SPTBN2: variants seen among roughly 807,000 people sequenced by gnomAD.
SPTBN2 encodes the protein spectrin beta, non-erythrocytic 2, also known as spectrin beta chain, non-erythrocytic 2.
Under a neutral mutation model 284.2 loss-of-function variants are expected in SPTBN2, and 107 were observed. The observed-to-expected ratio is 0.38, with a 90% CI of 0.32 to 0.44. SPTBN2 has a LOEUF of 0.44. Ranked by LOEUF, SPTBN2 falls within the 20% of genes least tolerant of loss-of-function variation. SPTBN2 has a pLI of 1.00. For synonymous variants in SPTBN2, 1,289 were observed against 1,354.8 expected (o/e 0.95, Z 1.07); for missense variants, 2,569 against 3,287.1 (o/e 0.78, Z 5.34).
chr11:66,743,739 C>A (rs1316730983), intron 1 of SPTBN2, among the ~76,000 whole-genome samples: 1 of 152,162 alleles, frequency 6.6e-6, no homozygotes, highest in African/African-American at 2.4e-5. Context: ...TGCAGTCAAA[C>A]GTGGAAAGGG....
chr11:66,714,751 G>A (rs180702034), intron 5 of SPTBN2, among the ~76,000 whole-genome samples: 3 of 152,276 alleles, frequency 2.0e-5, no homozygotes, highest in Admixed American at 1.3e-4. Context: ...CAGAACCCGG[G>A]AAGGAAGGGG....
chr11:66,699,176 A>G, intron 18 of SPTBN2, 94 bp from the exon 19 acceptor site: 3 of 1,484,306 alleles, frequency 2.0e-6, no homozygotes, highest in Non-Finnish European at 1.9e-6. Context: ...TTCTAGGGGA[A>G]TAACGCCTTC....
rs189639696 is a variant in SPTBN2, at chr11:66,687,369, A to C, written c.6722+58T>G. ...TACTCTAAAGGGCATCCCTCCCTCT[A>C]TCTGGGCAGAGGCTCTGGGGAAGTG... On this transcript the variant is annotated intron_variant, in intron 35 of 37. Transcript: ENST00000533211. This position sits in a 1 kb window ranked among gnomAD's most constrained non-coding sequence, Gnocchi z 5.2. 1.2e-4 allele frequency: 190 copies of C among 1,584,104 alleles called. 1 individual carries two copies. The highest frequency in any genetic ancestry group is 8.4e-4 in the Middle Eastern group (5 of 5,962).
chr11:66,744,626 G>C (rs1942943311), exon 1 of SPTBN2: 1 of 282,318 alleles, frequency 3.5e-6, no homozygotes, highest in Non-Finnish European at 5.8e-6. Context: ...GCGCTCAGAG[G>C]CTCTAGGTGG....
chr11:66,738,952 T>C (rs1242626629), intron 1 of SPTBN2, among the ~76,000 whole-genome samples: 3 of 151,970 alleles, frequency 2.0e-5, no homozygotes, highest in Non-Finnish European at 2.9e-5. Flanking sequence ...GCTGGGACTA[T>C]AGGTGCTCAC....
Position 66,689,923 on chromosome 11 carries a change from A to G in SPTBN2, c.5831T>C (p.Leu1944Pro). ...GATGCCTTGCTGGTTCTTGATGACT[A>G]GATCCGCGGAGGACACATCCCTGGG... is the stretch of plus-strand genomic sequence containing the variant. ...ERPRDVSSAD[L>P]VIKNQQGIKA... Residue 1944 changes from leucine (L) to proline (P), a missense_variant, in exon 29 of 38, where the codon CTA becomes CCA. This residue lies in a region of SPTBN2 where 1,130 missense variants were observed against 1,317.3 expected (regional missense o/e 0.86). Transcript: ENST00000533211. 1 of 1,613,982 alleles carries G rather than the reference A, an allele frequency of 6.2e-7. No individual in the cohort carries two copies. Among genetic ancestry groups the G allele is most frequent in the South Asian group, 1.1e-5 (1 of 91,072 alleles).
intron 19 of SPTBN2, 61 bp from the exon 20 acceptor site, chr11:66,698,846 G>C (rs1218768364): frequency 8.7e-6 from 14 of 1,608,936 alleles, no homozygotes; most frequent in Non-Finnish European, 1.2e-5. Flanking sequence ...ATAAAAGCAG[G>C]GCCACAGTGA....
rs374206914 is a variant in SPTBN2, at chr11:66,707,602, G to A, written c.1567C>T (p.Arg523Trp). 20 of 1,611,466 alleles carry A rather than the reference G, an allele frequency of 1.2e-5. No homozygotes were observed. Among genetic ancestry groups the A allele is most frequent in the Middle Eastern group, 1.6e-4 (1 of 6,074 alleles). Reference protein sequence around the residue: ...WDFLRQMVAARRERLLLNLEL... With the variant: ...WDFLRQMVAAWRERLLLNLEL... ...AGGTTGAGGAGGAGCCGCTCCCGCCGGGCGGCCACCATCTGCCGCAAGAAG... is the reference window on the plus strand; with the variant it reads ...AGGTTGAGGAGGAGCCGCTCCCGCCAGGCGGCCACCATCTGCCGCAAGAAG... Residue 523 changes from arginine to tryptophan, a missense_variant, in exon 13 of 38, where the codon CGG becomes TGG. Arg to Trp is a moderately radical substitution (Grantham distance 101). Coordinates refer to ENST00000533211, the MANE Select transcript of SPTBN2 (RefSeq NM_006946.4). This position sits in a 1 kb window ranked among gnomAD's most constrained non-coding sequence, Gnocchi z 4.9.
chr11:66,686,311 A>G (rs1334958419), intron 37 of SPTBN2, 87 bp downstream of exon 37: 2 of 1,566,366 alleles, frequency 1.3e-6, no homozygotes. Flanking sequence ...GACCAGGAAA[A>G]AGAGGGAGGA....
Position 66,726,348 on chromosome 11 carries a change from C to A in SPTBN2, c.-114+2393G>T, listed in dbSNP as rs185711236. ...TGGAGGACTGTTAAATCACAGGTCACCCCCCCATCCCCCAGTTTACGATTC... is the reference window on the plus strand; with the variant it reads ...TGGAGGACTGTTAAATCACAGGTCAACCCCCCATCCCCCAGTTTACGATTC... On this transcript the variant is annotated intron_variant, in intron 1 of 37. Coordinates refer to ENST00000533211, the MANE Select transcript of SPTBN2 (RefSeq NM_006946.4). Among the ~76,000 whole-genome samples the A allele has an allele frequency of 6.6e-5, 10 of 152,242 alleles. No homozygotes were observed. In the East Asian group the frequency reaches 1.9e-3, roughly 29 times the overall value.
rs1055664888 is a variant in SPTBN2, at chr11:66,710,326, C to T, written c.1073+256G>A. ...GTTGGCCAGACTGGTCTCGGTGATG[C>T]GCCCGCCTTGGCCTCCCAAAGTGCT... On this transcript the variant is annotated intron_variant, in intron 10 of 37. Transcript: ENST00000533211. The surrounding 1 kb of genome is among the most constrained non-coding windows in gnomAD (Gnocchi z 4.9). Among the ~76,000 whole-genome samples the T allele has an allele frequency of 2.6e-5, 4 of 151,776 alleles. No individual in the cohort carries two copies. Among genetic ancestry groups the T allele is most frequent in the Admixed American group, 2.6e-4 (4 of 15,236 alleles).
At chr11:66,696,149 A>G in intron 21 of SPTBN2, 128 bp downstream of exon 21, 2 of 1,273,400 alleles carry the variant, frequency 1.6e-6, no homozygotes, top group Non-Finnish European at 2.2e-6. Flanking sequence ...CTGGCTGCCC[A>G]AAGAAATGAC....
chr11:66,689,463 G>A (rs1332268079), intron 29 of SPTBN2: 4 of 519,966 alleles, frequency 7.7e-6, no homozygotes, highest in South Asian at 6.2e-5. Context: ...TAGTGGAAAC[G>A]GGGTTTCACC....
intron 5 of SPTBN2, among the ~76,000 whole-genome samples, chr11:66,714,749 G>A (rs531958891): frequency 1.4e-4 from 21 of 152,224 alleles, no homozygotes; most frequent in South Asian, 4.1e-4. Context: ...GACAGAACCC[G>A]GGAAGGAAGG....
In SPTBN2 at chr11:66,683,884, T is replaced by C. The variant is rs776337363; in HGVS notation, c.*1987A>G. On this transcript the variant is annotated 3_prime_UTR_variant, in exon 38 of 38. Transcript: ENST00000533211. The stretch of plus-strand genomic sequence containing the variant: ...CTCTTCAGTGGAGATTTTACAGTTG[T>C]ATTTGAAGAAAAGATGCTGTGTAGT... Among the ~76,000 whole-genome samples the C allele has an allele frequency of 1.3e-5, 2 of 152,232 alleles. No individual in the cohort carries two copies. The highest frequency in any genetic ancestry group is 2.9e-5 in the Non-Finnish European group (2 of 68,036).
Position 66,707,669 on chromosome 11 carries a change from C to T in SPTBN2, c.1500G>A (p.Lys500=), listed in dbSNP as rs947762660. The change falls in exon 13 of 38, where the codon AAG becomes AAA. Residue 500 remains lysine, a synonymous_variant. Transcript: ENST00000533211. The surrounding 1 kb of genome is among the most constrained non-coding windows in gnomAD (Gnocchi z 4.9). ...ELAAERYHDI[K]RIAARQHNVA... ...CGTTGTGCTGCCGAGCGGCGATGCG[C>T]TTGATGTCGTGGTAGCGCTCGGCGG... The T allele has an allele frequency of 6.2e-7, 1 of 1,607,288 alleles. No homozygotes were observed.
At chr11:66,696,610 G>A in intron 20 of SPTBN2, 70 bp from the exon 21 acceptor site, 1 of 1,593,738 alleles carries the variant, frequency 6.3e-7, no homozygotes, top group South Asian at 1.1e-5. Context: ...GAGCAGACCA[G>A]GGGCCTTACG....
chr11:66,689,735 G>C, intron 29 of SPTBN2, 70 bp downstream of exon 29: 1 of 1,602,774 alleles, frequency 6.2e-7, no homozygotes, highest in Non-Finnish European at 8.5e-7. Context: ...AGAGGAAGCA[G>C]AAAGCCACCA....
At chr11:66,696,171 C>T in intron 21 of SPTBN2, 106 bp downstream of exon 21, 1 of 1,395,390 alleles carries the variant, frequency 7.2e-7, no homozygotes, top group Non-Finnish European at 9.9e-7. Flanking sequence ...CTGGGAAATG[C>T]TAGTGAAGGT....
Sources: allele counts gnomAD v4.1 joint callset (sites outside exome capture counted in the v4.1 genomes callset), GRCh38; gene constraint gnomAD v4.1.1; regional missense constraint gnomAD v4.1.1; non-coding constraint Gnocchi (gnomAD v3.1); transcripts MANE v1.5; gene names NCBI Gene and HGNC (gene_info 2026-07-23, HGNC 2026-07-21).